KIF17: variants seen among roughly 807,000 people sequenced by gnomAD.
KIF17 encodes the protein kinesin family member 17.
A neutral mutation model predicts 96.8 loss-of-function variants in KIF17; 80 were observed. That is an observed-to-expected ratio of 0.83 (90% CI 0.69 to 1.00). The LOEUF is 1.00. Among genes scored for constraint, KIF17 ranks in the 50% least tolerant of loss-of-function variants. The pLI is 0.00. For synonymous variants in KIF17, 567 were observed against 587.5 expected (o/e 0.97, Z 0.51); for missense variants, 1,280 against 1,372.9 (o/e 0.93, Z 1.07).
At chr1:20,712,095 G>A (rs1028901619) in intron 3 of KIF17, among the ~76,000 whole-genome samples, 3 of 152,204 alleles carry the variant, frequency 2.0e-5, no homozygotes, top group African/African-American at 7.2e-5. Context: ...GCTGCAGCAA[G>A]TGTGAGCAGC....
chr1:20,690,352 G>GTGCCCC lies in KIF17; in HGVS notation c.1234-18_1234-17insGGGGCA. On this transcript the variant is annotated splice_polypyrimidine_tract_variant and intron_variant, in intron 6 of 14. Transcript: ENST00000400463. ...TTCATACTCCTGGGGGGGTGGGAGG[G>GTGCCCC]ACCAGAGGGCAGGCAGCATTTTATC... 2.2e-6 allele frequency: 1 copy of GTGCCCC among 451,174 alleles called. No individual in the cohort carries two copies. Among genetic ancestry groups the GTGCCCC allele is most frequent in the Non-Finnish European group, 4.3e-6 (1 of 235,152 alleles). 27.9% of individuals were successfully genotyped at this position (451,174 alleles called of 1,614,324 possible).
intron 4 of KIF17, among the ~76,000 whole-genome samples, chr1:20,706,719 C>G (rs2054348640): frequency 7.1e-6 from 1 of 140,880 alleles, no homozygotes; most frequent in Non-Finnish European, 1.5e-5. Flanking sequence ...AACCCCGTCT[C>G]TACAAAAAAA....
At chr1:20,695,472 A>C (rs2054120661) in intron 6 of KIF17, among the ~76,000 whole-genome samples, 1 of 152,188 alleles carries the variant, frequency 6.6e-6, no homozygotes, top group Admixed American at 6.5e-5. Context: ...TACAGGCATG[A>C]GCCACTGCAC....
At chr1:20,662,400 G>A (rs2053449322), downstream of KIF17, among the ~76,000 whole-genome samples, 1 of 152,178 alleles carries the variant, frequency 6.6e-6, no homozygotes, top group African/African-American at 2.4e-5. Flanking sequence ...TGTAGAGACA[G>A]AAGGTAGCAG....
downstream of KIF17, among the ~76,000 whole-genome samples, chr1:20,663,054 C>T (rs2053463691): frequency 6.6e-6 from 1 of 151,994 alleles, no homozygotes; most frequent in South Asian, 2.1e-4. Flanking sequence ...ATGGTGAAAC[C>T]GCATCTCTAA....
intron 6 of KIF17, among the ~76,000 whole-genome samples, chr1:20,690,892 T>A (rs2054027597): frequency 6.6e-6 from 1 of 151,988 alleles, no homozygotes; most frequent in Admixed American, 6.5e-5. Flanking sequence ...TTTCACTGTG[T>A]TAGCCAGGAT....
At position 20,685,129 on chromosome 1, in the gene KIF17, C is replaced by CA. The variant is rs2053915394; in HGVS notation, c.2020-110_2020-109insT. 4 of 822,698 alleles carry CA rather than the reference C, an allele frequency of 4.9e-6. No homozygotes were observed. The East Asian group carries it at 1.1e-4, about 22-fold the overall frequency. The allele number at this position is 822,698 out of a possible 1,614,324, so 51.0% of individuals were successfully genotyped here. On this transcript the variant is annotated intron_variant, in intron 9 of 14. Coordinates refer to ENST00000400463, the MANE Select transcript of KIF17 (RefSeq NM_001122819.3). This position sits in a 1 kb window ranked among gnomAD's most constrained non-coding sequence, Gnocchi z 4.1. The stretch of plus-strand genomic sequence containing the variant: ...GGGGCCATTCCGCCTGCTGCAGCCC[C>CA]GACAGATCACCTCCAGCTCAGGGAC...
chr1:20,717,678 A>C lies in KIF17; in HGVS notation c.29T>G (p.Val10Gly). 6.2e-7 allele frequency: 1 copy of C among 1,600,568 alleles called. No individual in the cohort carries two copies. Among genetic ancestry groups the C allele is most frequent in the South Asian group, 1.1e-5 (1 of 90,638 alleles). Residue 10 changes from valine (V) to glycine (G), a missense_variant, in exon 1 of 15, where the codon GTG (valine) becomes GGG (glycine). Transcript: ENST00000400463. MASEAVKVV[V>G]RCRPMNQRER... is the part of the protein sequence containing the mutation. ...CCGCTGGTTCATGGGACGGCAGCGC[A>C]CGACAACCTTCACCGCCTCGGAGGC...
intron 11 of KIF17, among the ~76,000 whole-genome samples, chr1:20,682,333 G>A (rs1387443562): frequency 1.3e-5 from 2 of 152,126 alleles, no homozygotes; most frequent in East Asian, 3.9e-4. Flanking sequence ...TTCCAGCCTG[G>A]GCAATATGGT....
chr1:20,691,326 T>G (rs1424399478), intron 6 of KIF17, among the ~76,000 whole-genome samples: 1 of 151,830 alleles, frequency 6.6e-6, no homozygotes, highest in Non-Finnish European at 1.5e-5. Context: ...AATAAAAAAT[T>G]TATAGAGTAG....
chr1:20,667,651 G>A (rs1411107604), intron 13 of KIF17, among the ~76,000 whole-genome samples: 1 of 152,204 alleles, frequency 6.6e-6, no homozygotes, highest in East Asian at 1.9e-4. Flanking sequence ...ATGGCCAGCA[G>A]CCATCCTTCC....
intron 11 of KIF17, among the ~76,000 whole-genome samples, chr1:20,682,000 T>A (rs2053837301): frequency 6.6e-6 from 1 of 152,104 alleles, no homozygotes; most frequent in Non-Finnish European, 1.5e-5. Context: ...AATGAGAACA[T>A]AAAAACGGAG....
At position 20,717,564 on chromosome 1, in the gene KIF17, G is replaced by A. The variant is rs1391544356; in HGVS notation, c.143C>T (p.Pro48Leu). ...GCCGTCGAAGGTGAACTGCTTGGGCGGCTCGTCGGCGGCGCCCGGGTTCTG... is the reference window on the plus strand; with the variant it reads ...GCCGTCGAAGGTGAACTGCTTGGGCAGCTCGTCGGCGGCGCCCGGGTTCTG... ...CIQNPGAADE[P>L]PKQFTFDGAY... The change falls in exon 1 of 15, where the codon CCG becomes CTG. Residue 48 changes from proline (P) to leucine (L), a missense_variant. Coordinates refer to ENST00000400463, the MANE Select transcript of KIF17 (RefSeq NM_001122819.3). 6 of 1,611,584 alleles carry A rather than the reference G, an allele frequency of 3.7e-6. No individual in the cohort carries two copies. Among genetic ancestry groups the A allele is most frequent in the South Asian group, 1.1e-5 (1 of 90,984 alleles).
In KIF17 at chr1:20,717,730, G is replaced by C. The variant is rs1290051066; in HGVS notation, c.-24C>G. 3.9e-6 allele frequency: 6 copies of C among 1,529,490 alleles called. No individual in the cohort carries two copies. 94.7% of individuals were successfully genotyped at this position (1,529,490 alleles called of 1,614,324 possible). A position where few individuals can be genotyped will look rare whatever the true frequency, so the allele number is the denominator to read the frequency against. ...ATGGCGCCGCGCCCAGGACCAACGG[G>C]ACCAGAGCTGACCCCCGCCCCGCCG... On this transcript the variant is annotated 5_prime_UTR_variant, in exon 1 of 15. Coordinates refer to ENST00000400463, the MANE Select transcript of KIF17 (RefSeq NM_001122819.3).
At chr1:20,698,635 G>A in intron 5 of KIF17, 147 bp from the exon 6 acceptor site, 6 of 616,264 alleles carry the variant, frequency 9.7e-6, no homozygotes, top group Non-Finnish European at 1.7e-5. Flanking sequence ...CATGTAAAAG[G>A]CTGTTAGTCA....
chr1:20,687,297 T>A lies in KIF17; in HGVS notation c.1938+91A>T. The stretch of plus-strand genomic sequence containing the variant: ...CACGGCCTGAGTGTCGGAGGCCATG[T>A]GTGTGAACAGTGTGTGCACAGTGAG... On this transcript the variant is annotated intron_variant, in intron 8 of 14. Transcript: ENST00000400463. This position sits in a 1 kb window ranked among gnomAD's most constrained non-coding sequence, Gnocchi z 4.4. 1 of 1,383,530 alleles carries A rather than the reference T, an allele frequency of 7.2e-7. No homozygotes were observed. The highest frequency in any genetic ancestry group is 1.2e-5 in the South Asian group (1 of 86,284). 85.7% of individuals were successfully genotyped at this position (1,383,530 alleles called of 1,614,324 possible). A position where few individuals can be genotyped will look rare whatever the true frequency, so the allele number is the denominator to read the frequency against.
At position 20,670,458 on chromosome 1, in the gene KIF17, C is replaced by T. The variant is rs200150083; in HGVS notation, c.2753G>A (p.Arg918His). ...GCCATTGTCTGCTGCAGAGGTTTTG[C>T]GGGCTGGTTTGTTCTGTGGCCCAGT... is the stretch of plus-strand genomic sequence containing the variant. ...VSTGPQNKPA[R>H]KTSAADNGEP... The change falls in exon 13 of 15, where the codon CGC becomes CAC. Residue 918 changes from arginine to histidine, a missense_variant. Coordinates refer to ENST00000400463, the MANE Select transcript of KIF17 (RefSeq NM_001122819.3). 36 of 1,613,888 alleles carry T rather than the reference C, an allele frequency of 2.2e-5. No homozygotes were observed. Among genetic ancestry groups the T allele is most frequent in the Admixed American group, 5.0e-5 (3 of 59,996 alleles).
chr1:20,682,366 T>G (rs1226930600), intron 11 of KIF17, among the ~76,000 whole-genome samples: 1 of 152,064 alleles, frequency 6.6e-6, no homozygotes, highest in Non-Finnish European at 1.5e-5. Flanking sequence ...GTCCAAAAAA[T>G]TTAATAAAGT....
chr1:20,664,745 G>T lies in KIF17; in HGVS notation c.2926C>A (p.Pro976Thr), dbSNP rs1250707675. The change falls in exon 15 of 15, where the codon CCA (proline) becomes ACA (threonine). Residue 976 changes from proline to threonine, a missense_variant. Coordinates refer to ENST00000400463, the MANE Select transcript of KIF17 (RefSeq NM_001122819.3). Reference protein sequence around the residue: ...RKSLTHHNSPPGLSCPLSNNS... With the variant: ...RKSLTHHNSPTGLSCPLSNNS... ...TTGCTGAGTGGGCAGCTGAGGCCTG[G>T]TGGCGAGTTGTGATGTGCTGTGGGG... is the stretch of plus-strand genomic sequence containing the variant. 2.5e-6 allele frequency: 4 copies of T among 1,611,984 alleles called. No individual in the cohort carries two copies. In the African/African-American group the frequency reaches 4.0e-5, roughly 16 times the overall value.
Sources: allele counts gnomAD v4.1 joint callset (sites outside exome capture counted in the v4.1 genomes callset), GRCh38; gene constraint gnomAD v4.1.1; non-coding constraint Gnocchi (gnomAD v3.1); transcripts MANE v1.5; gene names NCBI Gene and HGNC (gene_info 2026-07-23, HGNC 2026-07-21).